Variants in TULP4 observed in about 807,000 individuals in gnomAD.
TULP4 encodes TUB like protein 4, also known as tubby-related protein 4.
A neutral mutation model predicts 129.0 loss-of-function variants in TULP4; 16 were observed. That is an observed-to-expected ratio of 0.12 (90% CI 0.08 to 0.19). The LOEUF is 0.19. TULP4 is among the 10% of genes least tolerant of loss of function. The probability of loss-of-function intolerance (pLI) is 1.00; values close to 1 mark genes in which losing one functional copy is unlikely to be tolerated. For synonymous variants in TULP4, 998 were observed against 854.0 expected (o/e 1.17, Z -2.94); for missense variants, 1,842 against 2,059.1 (o/e 0.89, Z 2.04).
chr6:158,440,352 T>C (rs1199169622), intron 3 of TULP4, among the ~76,000 whole-genome samples: 1 of 143,978 alleles, frequency 6.9e-6, no homozygotes, highest in Non-Finnish European at 1.5e-5. Context: ...TCCACAAACC[T>C]ACTAAAGTAA....
At chr6:158,268,140 ATTC>A (rs1778484896) in intron 1 of TULP4, among the ~76,000 whole-genome samples, 4 of 146,586 alleles carry the variant, frequency 2.7e-5, no homozygotes, top group Non-Finnish European at 3.0e-5. Flanking sequence ...GGTTCAAGCG[ATTC>A]TTCTGCCCCA....
At chr6:158,241,697 C>A (rs1444985912) in intron 1 of TULP4, among the ~76,000 whole-genome samples, 3 of 152,140 alleles carry the variant, frequency 2.0e-5, no homozygotes, top group East Asian at 3.9e-4. Flanking sequence ...CTGGTTCAAG[C>A]GATTCTTCTG....
chr6:158,401,998 A>G (rs1777862720), intron 1 of TULP4, among the ~76,000 whole-genome samples: 1 of 152,194 alleles, frequency 6.6e-6, no homozygotes, highest in Non-Finnish European at 1.5e-5. Flanking sequence ...AGTGCTGGAA[A>G]GGTCTTAGAC....
At chr6:158,334,141 C>T (rs905155887) in intron 1 of TULP4, among the ~76,000 whole-genome samples, 1 of 152,128 alleles carries the variant, frequency 6.6e-6, no homozygotes, top group East Asian at 1.9e-4. Context: ...CCTCCTGTTT[C>T]GTGCAATACT....
chr6:158,367,079 C>T (rs939569207), intron 1 of TULP4, among the ~76,000 whole-genome samples: 8 of 151,948 alleles, frequency 5.3e-5, no homozygotes, highest in African/African-American at 1.9e-4. Flanking sequence ...CTGAATAACG[C>T]TTTGGGTCCT....
chr6:158,296,629 C>G (rs1295990726), intron 1 of TULP4, among the ~76,000 whole-genome samples: 1 of 151,712 alleles, frequency 6.6e-6, no homozygotes, highest in Non-Finnish European at 1.5e-5. Context: ...GGGAACCCAC[C>G]CCCAATATTT....
At chr6:158,392,948 T>G (rs1302793887) in intron 1 of TULP4, among the ~76,000 whole-genome samples, 1 of 147,868 alleles carries the variant, frequency 6.8e-6, no homozygotes, top group African/African-American at 2.5e-5. Context: ...TTACAGGCAC[T>G]CCAGCCTGGG....
chr6:158,281,089 G>A (rs77283174), upstream of TULP4, among the ~76,000 whole-genome samples: 3 of 152,262 alleles, frequency 2.0e-5, no homozygotes, highest in East Asian at 5.8e-4. Context: ...TCACTTTGTG[G>A]GTGTTATCGG....
intron 1 of TULP4, chr6:158,238,374 G>T (rs9295369): frequency 4.3e-6 from 3 of 692,646 alleles, no homozygotes; most frequent in Non-Finnish European, 7.8e-6. Context: ...GGCATTGTTC[G>T]GCCTGGTTTG....
chr6:158,370,767 G>A (rs538500651), intron 1 of TULP4, among the ~76,000 whole-genome samples: 1 of 152,332 alleles, frequency 6.6e-6, no homozygotes, highest in East Asian at 1.9e-4. Flanking sequence ...TTAAGCAGGG[G>A]TACCCTCACT....
At chr6:158,464,460 AG>A (rs1779510551) in intron 6 of TULP4, among the ~76,000 whole-genome samples, 1 of 152,198 alleles carries the variant, frequency 6.6e-6, no homozygotes, top group South Asian at 2.1e-4. Context: ...GGGTTGTGGA[AG>A]CCAACGTTCT....
At chr6:158,309,771 C>T (rs965302207), upstream of TULP4, among the ~76,000 whole-genome samples, 1 of 152,064 alleles carries the variant, frequency 6.6e-6, no homozygotes. Context: ...CGCCTGCAAT[C>T]GCAGGCACTC....
At chr6:158,433,189 T>C (rs1160724578) in intron 3 of TULP4, among the ~76,000 whole-genome samples, 1 of 152,208 alleles carries the variant, frequency 6.6e-6, no homozygotes, top group African/African-American at 2.4e-5. Context: ...GTGGCCACCT[T>C]ACACGCTGTC....
intron 2 of TULP4, among the ~76,000 whole-genome samples, chr6:158,414,343 A>G (rs114944542): frequency 0.011 from 1,617 of 152,358 alleles, 31 homozygotes; most frequent in African/African-American, 0.036. Flanking sequence ...GATTAAGAGC[A>G]TGAGCTCTGG....
upstream of TULP4, among the ~76,000 whole-genome samples, chr6:158,308,676 A>T (rs1477511056): frequency 1.6e-5 from 2 of 124,750 alleles, no homozygotes; most frequent in Non-Finnish European, 3.4e-5. Flanking sequence ...GGCCGGGCAG[A>T]GGGGCTCCTC....
At chr6:158,419,149 G>A (rs1183420648) in intron 2 of TULP4, among the ~76,000 whole-genome samples, 1 of 152,154 alleles carries the variant, frequency 6.6e-6, no homozygotes, top group Non-Finnish European at 1.5e-5. Flanking sequence ...ACTTTTTTCA[G>A]TAATCTCAGA....
chr6:158,390,578 A>G (rs1473705219), intron 1 of TULP4, among the ~76,000 whole-genome samples: 1 of 152,228 alleles, frequency 6.6e-6, no homozygotes, highest in Non-Finnish European at 1.5e-5. Context: ...AGTCTCCTAG[A>G]TAAGGAAGTT....
chr6:158,488,452 A>G (rs1780118940), intron 8 of TULP4, among the ~76,000 whole-genome samples: 1 of 152,100 alleles, frequency 6.6e-6, no homozygotes, highest in Non-Finnish European at 1.5e-5. Context: ...AGTGCTTTAA[A>G]AAGGGGGTGA....
chr6:158,297,759 A>G (rs1473522560), intron 1 of TULP4, among the ~76,000 whole-genome samples: 2 of 152,202 alleles, frequency 1.3e-5, no homozygotes. Flanking sequence ...AAGCAGAACT[A>G]CTGATAAGGT....
Sources: gnomAD v4.1 joint callset for allele counts (sites outside exome capture counted in the v4.1 genomes callset) on GRCh38, gnomAD v4.1.1 for gene constraint, MANE v1.5 for transcripts, NCBI Gene and HGNC (gene_info 2026-07-23, HGNC 2026-07-21) for gene names.